The following LRCH1 variants were observed in gnomAD, a reference collection of about 807,000 sequenced individuals.
LRCH1 encodes the protein leucine-rich repeat and calponin homology domain-containing protein 1.
Under a neutral mutation model 94.9 loss-of-function variants are expected in LRCH1, and 23 were observed. The observed-to-expected ratio is 0.24, with a 90% CI of 0.17 to 0.34. The LOEUF (loss-of-function observed/expected upper bound fraction) is 0.34, where lower values mean the gene tolerates loss of function less well. LRCH1 is among the 10% of genes least tolerant of loss of function. The pLI, the probability that LRCH1 is intolerant of heterozygous loss-of-function variation, is 1.00. For missense variants in LRCH1, 790 were observed against 945.9 expected (o/e 0.84, Z 2.16); for synonymous variants, 364 against 354.9 (o/e 1.03, Z -0.29).
intron 8 of LRCH1, among the ~76,000 whole-genome samples, chr13:46,693,453 C>T (rs1871017214): frequency 6.6e-6 from 1 of 152,046 alleles, no homozygotes; most frequent in Non-Finnish European, 1.5e-5. Context: ...GGAAGGAGTG[C>T]CCATCACTGA....
At chr13:46,614,627 A>G (rs536948773) in intron 1 of LRCH1, among the ~76,000 whole-genome samples, 1 of 152,332 alleles carries the variant, frequency 6.6e-6, no homozygotes, top group South Asian at 2.1e-4. Flanking sequence ...ATCGTGAATC[A>G]GGTTTTCTAG....
intron 1 of LRCH1, among the ~76,000 whole-genome samples, chr13:46,608,633 T>G: frequency 6.6e-6 from 1 of 152,194 alleles, no homozygotes; most frequent in East Asian, 1.9e-4. Flanking sequence ...TTCACCCTGT[T>G]TCCTCTTTTA....
intron 16 of LRCH1, among the ~76,000 whole-genome samples, chr13:46,720,314 G>A (rs1257725994): frequency 6.6e-6 from 1 of 151,994 alleles, no homozygotes; most frequent in East Asian, 1.9e-4. Context: ...GTGAGCCCAG[G>A]TGGTTGAGGT....
chr13:46,575,291 C>T (rs1017340276), intron 1 of LRCH1, among the ~76,000 whole-genome samples: 1 of 151,976 alleles, frequency 6.6e-6, no homozygotes, highest in Non-Finnish European at 1.5e-5. Context: ...GCTGTGCACC[C>T]CAGACATTGA....
chr13:46,736,058 A>G (rs1001204002), intron 19 of LRCH1, among the ~76,000 whole-genome samples: 1 of 150,192 alleles, frequency 6.7e-6, no homozygotes, highest in Non-Finnish European at 1.5e-5. Flanking sequence ...CAGCCTCCCA[A>G]AGTGCTAGGA....
At chr13:46,576,402 C>T (rs1259427515) in intron 1 of LRCH1, among the ~76,000 whole-genome samples, 2 of 152,190 alleles carry the variant, frequency 1.3e-5, no homozygotes, top group Non-Finnish European at 2.9e-5. Context: ...CTTCTGATAA[C>T]TGGGAGTCCT....
At chr13:46,565,530 G>A (rs1303028745) in intron 1 of LRCH1, among the ~76,000 whole-genome samples, 2 of 151,996 alleles carry the variant, frequency 1.3e-5, no homozygotes, top group East Asian at 3.9e-4. Flanking sequence ...TTTCTGCTGG[G>A]GCCGGGTGCA....
intron 18 of LRCH1, among the ~76,000 whole-genome samples, chr13:46,730,166 G>T (rs1873028538): frequency 6.6e-6 from 1 of 152,170 alleles, no homozygotes; most frequent in Non-Finnish European, 1.5e-5. Context: ...AGAGGCAGAA[G>T]AATTTAGGGG....
At chr13:46,658,253 G>A (rs2051401982) in intron 2 of LRCH1, among the ~76,000 whole-genome samples, 1 of 152,124 alleles carries the variant, frequency 6.6e-6, no homozygotes, top group African/African-American at 2.4e-5. Flanking sequence ...GGAAGATGGT[G>A]TGTTTTAATA....
chr13:46,653,750 A>G (rs2051336529), intron 2 of LRCH1, among the ~76,000 whole-genome samples: 1 of 151,938 alleles, frequency 6.6e-6, no homozygotes, highest in African/African-American at 2.4e-5. Context: ...AGGGTCTGGG[A>G]GGTTGAAGCT....
chr13:46,713,500 A>G (rs1236477684), intron 15 of LRCH1, among the ~76,000 whole-genome samples: 1 of 152,256 alleles, frequency 6.6e-6, no homozygotes, highest in Non-Finnish European at 1.5e-5. Context: ...TGATTCTTTA[A>G]TAAAGGAAAT....
At chr13:46,665,793 A>G (rs1355572375) in intron 2 of LRCH1, among the ~76,000 whole-genome samples, 1 of 152,152 alleles carries the variant, frequency 6.6e-6, no homozygotes, top group Non-Finnish European at 1.5e-5. Flanking sequence ...GCAGAAGACC[A>G]GGGGTGTAGG....
At position 46,694,874 on chromosome 13, in the gene LRCH1, C is replaced by G; in HGVS notation, c.1121-19C>G. The G allele has an allele frequency of 6.2e-7, 1 of 1,613,744 alleles. No homozygotes were observed. The highest frequency in any genetic ancestry group is 2.2e-5 in the East Asian group (1 of 44,886). ...GTTCATGAAATCATGCTTTCCATCTCTCTATATTTTCCTAATAGGGGAATT... is the reference window on the plus strand; with the variant it reads ...GTTCATGAAATCATGCTTTCCATCTGTCTATATTTTCCTAATAGGGGAATT... On this transcript the variant is annotated intron_variant, in intron 8 of 19. Coordinates refer to ENST00000389797, the MANE Select transcript of LRCH1 (RefSeq NM_001164211.2).
At chr13:46,610,869 T>G (rs1244359781) in intron 1 of LRCH1, among the ~76,000 whole-genome samples, 1 of 152,172 alleles carries the variant, frequency 6.6e-6, no homozygotes, top group Non-Finnish European at 1.5e-5. Flanking sequence ...TGCAGGGCAT[T>G]TAGGTAAGCA....
chr13:46,579,221 G>A (rs897519572), intron 1 of LRCH1, among the ~76,000 whole-genome samples: 1 of 152,012 alleles, frequency 6.6e-6, no homozygotes, highest in Non-Finnish European at 1.5e-5. Flanking sequence ...ATCTGATTAC[G>A]GGCAGAAGGT....
intron 1 of LRCH1, among the ~76,000 whole-genome samples, chr13:46,600,367 T>G (rs907853757): frequency 3.4e-4 from 51 of 152,232 alleles, no homozygotes; most frequent in African/African-American, 1.2e-3. Flanking sequence ...GGCTGGATTA[T>G]TTCAAGCCAA....
chr13:46,672,572 A>G (rs1177546285), intron 3 of LRCH1, among the ~76,000 whole-genome samples: 1 of 152,140 alleles, frequency 6.6e-6, no homozygotes, highest in African/African-American at 2.4e-5. Context: ...GGCTTTCCTC[A>G]AATACCCTTT....
intron 1 of LRCH1, among the ~76,000 whole-genome samples, chr13:46,641,990 GTT>G (rs1272418582): frequency 6.6e-6 from 1 of 152,196 alleles, no homozygotes; most frequent in African/African-American, 2.4e-5. Context: ...TGGGGTTCCG[GTT>G]TGCTGCCTAG....
chr13:46,592,467 A>G (rs540984855), intron 1 of LRCH1, among the ~76,000 whole-genome samples: 45 of 152,332 alleles, frequency 3.0e-4, no homozygotes, highest in African/African-American at 1.0e-3. Flanking sequence ...TGTCCCACAC[A>G]TGGTGCTAAG....
Sources: gnomAD v4.1 joint callset for allele counts (sites outside exome capture counted in the v4.1 genomes callset) on GRCh38, gnomAD v4.1.1 for gene constraint, MANE v1.5 for transcripts, NCBI Gene and HGNC (gene_info 2026-07-23, HGNC 2026-07-21) for gene names.